CACNA2D4: variants seen among roughly 807,000 people sequenced by gnomAD.
CACNA2D4 encodes calcium voltage-gated channel auxiliary subunit alpha2delta 4.
Under a neutral mutation model 163.8 loss-of-function variants are expected in CACNA2D4, and 157 were observed. The ratio of observed to expected loss-of-function variants is 0.96; its 90% CI spans 0.84 to 1.09. The LOEUF is 1.09. Among genes scored for constraint, CACNA2D4 ranks in the 50% least tolerant of loss-of-function variants. CACNA2D4 has a pLI of 0.00. For synonymous variants in CACNA2D4, 598 were observed against 586.9 expected (o/e 1.02, Z -0.27); for missense variants, 1,410 against 1,479.9 (o/e 0.95, Z 0.78).
Position 1,878,144 on chromosome 12 carries a change from A to T in CACNA2D4, c.1719+171T>A, listed in dbSNP as rs1248021413. 1.3e-5 allele frequency among the ~76,000 whole-genome samples: 2 copies of T among 152,220 alleles called. No individual in the cohort carries two copies. The highest frequency in any genetic ancestry group is 1.3e-4 in the Admixed American group (2 of 15,284). Reference sequence around the variant, plus strand: ...TTTTTGCCTTGTCTCTTCTGATAGAATCTAAACAACTTGAAAACAGGGACC... The same window carrying T: ...TTTTTGCCTTGTCTCTTCTGATAGATTCTAAACAACTTGAAAACAGGGACC... On this transcript the variant is annotated intron_variant, in intron 16 of 37. Coordinates refer to ENST00000382722, the MANE Select transcript of CACNA2D4 (RefSeq NM_172364.5). The surrounding 1 kb of genome is among the most constrained non-coding windows in gnomAD (Gnocchi z 4.6).
Position 1,811,717 on chromosome 12 carries a change from C to G in CACNA2D4, c.2558G>C (p.Gly853Ala). ...GAGGAATTCCAGCTTCATTTGGACG[C>G]CCGCGGCTACAGGGCAGAAAGAGAG... ...DKRTAIAAAA[G>A]VQMKLEFLQR... is the part of the protein sequence containing the mutation. Residue 853 changes from glycine to alanine, a missense_variant, in exon 27 of 38, where the codon GGC becomes GCC. By Grantham distance (60) the Gly-to-Ala change is moderately conservative. Coordinates refer to ENST00000382722, the MANE Select transcript of CACNA2D4 (RefSeq NM_172364.5). 2 of 1,558,620 alleles carry G rather than the reference C, an allele frequency of 1.3e-6. No individual in the cohort carries two copies. Among genetic ancestry groups the G allele is most frequent in the Non-Finnish European group, 1.7e-6 (2 of 1,150,776 alleles).
At chr12:1,907,644 GC>G (rs1203836616) in intron 5 of CACNA2D4, 73 bp from the exon 6 acceptor site, 1 of 1,418,322 alleles carries the variant, frequency 7.1e-7, no homozygotes, top group East Asian at 2.4e-5. Flanking sequence ...CGGTGAGGGT[GC>G]CTGGTGGGCG....
At chr12:1,865,277 C>G (rs1270582108) in intron 18 of CACNA2D4, among the ~76,000 whole-genome samples, 1 of 152,230 alleles carries the variant, frequency 6.6e-6, no homozygotes, top group Non-Finnish European at 1.5e-5. Context: ...TCGTGCGGAC[C>G]TGGGGGCCTT....
chr12:1,835,885 C>T (rs1238608705), intron 26 of CACNA2D4: 3 of 152,534 alleles, frequency 2.0e-5, no homozygotes, highest in East Asian at 3.9e-4. Context: ...CGCCCTCCAT[C>T]TTCAGTACTC....
chr12:1,841,764 AC>A (rs1204815297), intron 25 of CACNA2D4, among the ~76,000 whole-genome samples: 2 of 152,224 alleles, frequency 1.3e-5, no homozygotes, highest in African/African-American at 2.4e-5. Flanking sequence ...GATTATGACA[AC>A]AGTGTCAATT....
intron 3 of CACNA2D4, among the ~76,000 whole-genome samples, chr12:1,912,687 C>T (rs868825195): frequency 1.6e-4 from 24 of 152,330 alleles, no homozygotes; most frequent in Admixed American, 8.5e-4. Flanking sequence ...GTGCTCACCC[C>T]GTGCAGTGCT....
rs567260217 is a variant in CACNA2D4, at chr12:1,885,006, G to T, written c.1139C>A (p.Ala380Asp). 2 of 1,613,848 alleles carry T rather than the reference G, an allele frequency of 1.2e-6. No homozygotes were observed. The highest frequency in any genetic ancestry group is 2.2e-5 in the East Asian group (1 of 44,880). The change falls in exon 10 of 38, where the codon GCC (alanine) becomes GAC (aspartate). Residue 380 changes from alanine (A) to aspartate (D), a missense_variant. Physicochemically the swap from Ala to Asp is moderately radical, Grantham distance 126. Coordinates refer to ENST00000382722, the MANE Select transcript of CACNA2D4 (RefSeq NM_172364.5). ...GGGCACCTGCTTCAGGATCTGGAAG[G>T]CTTCTCTCAGGGCTTGGTCCACGAC... The part of the protein sequence containing the change: ...VGVVDQALRE[A>D]FQILKQFQEA...
Position 1,871,001 on chromosome 12 carries a change from C to T in CACNA2D4, c.1878+3603G>A, listed in dbSNP as rs147972690. On this transcript the variant is annotated intron_variant, in intron 18 of 37. Coordinates refer to ENST00000382722, the MANE Select transcript of CACNA2D4 (RefSeq NM_172364.5). The stretch of plus-strand genomic sequence containing the variant: ...GGGATTCAAGGGCACTGGAGGAACA[C>T]GAGGCAAAGCTGCTCTGAATGCCAG... Among the ~76,000 whole-genome samples the T allele has an allele frequency of 6.8e-3, 1,036 of 152,300 alleles. 5 individuals are homozygous for T. Among genetic ancestry groups the T allele is most frequent in the Non-Finnish European group, 0.011 (745 of 68,010 alleles).
chr12:1,799,207 GT>G lies in CACNA2D4; in HGVS notation c.2995+467del, dbSNP rs1349293823. ...CGTGTGGCCACAGCCACCGGGCTTT[GT>G]GTTGGGGCCTCTCATGGTTGCTGCC... On this transcript the variant is annotated intron_variant, in intron 34 of 37. Transcript: ENST00000382722. The surrounding 1 kb of genome is among the most constrained non-coding windows in gnomAD (Gnocchi z 4.7). Among the ~76,000 whole-genome samples the G allele has an allele frequency of 6.6e-6, 1 of 152,208 alleles. No homozygotes were observed. Among genetic ancestry groups the G allele is most frequent in the African/African-American group, 2.4e-5 (1 of 41,452 alleles).
chr12:1,879,938 C>T (rs1039687502), intron 13 of CACNA2D4, 57 bp from the exon 14 acceptor site: 53 of 1,265,644 alleles, frequency 4.2e-5, no homozygotes, highest in Non-Finnish European at 5.4e-5. Flanking sequence ...ACTGGTTTGC[C>T]GCACTCGGAG....
chr12:1,862,805 G>A (rs1216511602), intron 18 of CACNA2D4, among the ~76,000 whole-genome samples: 2 of 152,162 alleles, frequency 1.3e-5, no homozygotes, highest in Admixed American at 6.5e-5. Flanking sequence ...AGTGCTCTGA[G>A]CATTTTTTAT....
chr12:1,899,760 C>T (rs1592744083), intron 6 of CACNA2D4, among the ~76,000 whole-genome samples: 3 of 152,210 alleles, frequency 2.0e-5, no homozygotes, highest in Admixed American at 2.0e-4. Flanking sequence ...AGAGGGACTA[C>T]TTCCAAATAT....
rs1555180513 is a variant in CACNA2D4 at position 1,840,442 on chromosome 12, A to AC, written c.2551+296_2551+297insG. ...ATACGGTAAATATATTATGTGGAAG[A>AC]GGGGGGTGGGTGGGGGGCGGCGGGG... is the stretch of plus-strand genomic sequence containing the variant. On this transcript the variant is annotated intron_variant, in intron 26 of 37. Coordinates refer to ENST00000382722, the MANE Select transcript of CACNA2D4 (RefSeq NM_172364.5). Among the ~76,000 whole-genome samples, 10 of 121,334 alleles carry AC rather than the reference A, an allele frequency of 8.2e-5. 1 individual carries two copies. In the East Asian group the frequency reaches 1.2e-3, roughly 14 times the overall value. The allele number at this position is 121,334 out of a possible 152,430, so 79.6% of individuals were successfully genotyped here.
intron 23 of CACNA2D4, 112 bp from the exon 24 acceptor site, chr12:1,846,801 A>G (rs7134772): frequency 0.012 from 10,485 of 861,878 alleles, 463 homozygotes; most frequent in African/African-American, 0.11. Flanking sequence ...TGGCTCAGGG[A>G]AGACTTTCCA....
chr12:1,835,422 T>TACACACACAC (rs137889817), intron 26 of CACNA2D4: 12 of 150,626 alleles, frequency 8.0e-5, no homozygotes, highest in African/African-American at 2.9e-4. Context: ...AAAGAATTAA[T>TACACACACAC]ACACACACAC....
rs1297277659 is a variant in CACNA2D4, at chr12:1,843,308, C to G, written c.2470+1094G>C. ...GATCCTGGGCCTCCCCAGCCATCAG[C>G]TCCAGGACATTTTTCCATCACGACG... On this transcript the variant is annotated intron_variant, in intron 25 of 37. Transcript: ENST00000382722. The surrounding 1 kb of genome is among the most constrained non-coding windows in gnomAD (Gnocchi z 4.6). Among the ~76,000 whole-genome samples the G allele has an allele frequency of 6.6e-6, 1 of 152,050 alleles. No individual in the cohort carries two copies. The highest frequency in any genetic ancestry group is 1.5e-5 in the Non-Finnish European group (1 of 68,010).
Position 1,882,917 on chromosome 12 carries a change from T to C in CACNA2D4, c.1435A>G (p.Ile479Val). 1 of 1,613,796 alleles carries C rather than the reference T, an allele frequency of 6.2e-7. No homozygotes were observed. Among genetic ancestry groups the C allele is most frequent in the Non-Finnish European group, 8.5e-7 (1 of 1,179,802 alleles). Residue 479 changes from isoleucine (I) to valine (V), a missense_variant, in exon 13 of 38, where the codon ATC (isoleucine) becomes GTC (valine). Coordinates refer to ENST00000382722, the MANE Select transcript of CACNA2D4 (RefSeq NM_172364.5). ...YLHVLSRPMVINHDHDIIWTE... is the reference protein window; with the variant it reads ...YLHVLSRPMVVNHDHDIIWTE... ...CAGATGATGTCGTGGTCGTGGTTGA[T>C]GACCATGGGGCGGCTGAGCACGTGC...
intron 6 of CACNA2D4, among the ~76,000 whole-genome samples, chr12:1,894,127 T>A (rs1336613036): frequency 6.6e-6 from 1 of 152,004 alleles, no homozygotes; most frequent in African/African-American, 2.4e-5. Flanking sequence ...TAAGACAAAC[T>A]GGAAAACCTA....
intron 6 of CACNA2D4, among the ~76,000 whole-genome samples, chr12:1,896,517 A>G (rs560547376): frequency 2.6e-5 from 4 of 152,230 alleles, no homozygotes; most frequent in African/African-American, 9.6e-5. Flanking sequence ...GATATATGAA[A>G]AAATGCTCAA....
Sources: allele counts gnomAD v4.1 joint callset (sites outside exome capture counted in the v4.1 genomes callset), GRCh38; gene constraint gnomAD v4.1.1; non-coding constraint Gnocchi (gnomAD v3.1); transcripts MANE v1.5; gene names NCBI Gene and HGNC (gene_info 2026-07-23, HGNC 2026-07-21).